Variants in MED12L observed in about 807,000 individuals in gnomAD.
MED12L encodes mediator complex subunit 12L, also known as mediator of RNA polymerase II transcription subunit 12-like protein.
MED12L carries 60 observed loss-of-function variants against 281.3 expected under a neutral mutation model. The observed-to-expected ratio is 0.21, with a 90% CI of 0.17 to 0.26. MED12L has a LOEUF of 0.26. Ranked by LOEUF, MED12L falls within the 10% of genes least tolerant of loss-of-function variation. The pLI, the probability that MED12L is intolerant of heterozygous loss-of-function variation, is 1.00. For synonymous variants in MED12L, 974 were observed against 987.2 expected (o/e 0.99, Z 0.25); for missense variants, 2,146 against 2,680.9 (o/e 0.80, Z 4.41).
At chr3:151,385,776 A>T (rs1315960771) in intron 36 of MED12L, among the ~76,000 whole-genome samples, 1 of 152,084 alleles carries the variant, frequency 6.6e-6, no homozygotes, top group Non-Finnish European at 1.5e-5. Context: ...AATTATTTTA[A>T]TTGTTAGGAT....
rs138653915 is a variant in MED12L, at chr3:151,411,771, T to C, written c.6140+264T>C. Among the ~76,000 whole-genome samples, 300 of 152,272 alleles carry C rather than the reference T, an allele frequency of 2.0e-3. 2 individuals carry two copies. Among genetic ancestry groups the C allele is most frequent in the African/African-American group, 6.8e-3 (284 of 41,548 alleles). ...GAGTGTAACAGTCTTTACGTGATAG[T>C]GTGTTTGCTTCAGTGTTCTTTTTTT... On this transcript the variant is annotated intron_variant, in intron 41 of 44. Coordinates refer to ENST00000687756, the MANE Select transcript of MED12L (RefSeq NM_001393769.1).
chr3:151,190,853 T>C lies in MED12L; in HGVS notation c.1890T>C (p.Thr630=), dbSNP rs1156808678. 33 of 1,614,086 alleles carry C rather than the reference T, an allele frequency of 2.0e-5. No individual in the cohort carries two copies. The highest frequency in any genetic ancestry group is 1.6e-4 in the Middle Eastern group (1 of 6,084). The change falls in exon 14 of 45, where the codon ACT becomes ACC. Residue 630 remains threonine (T), a synonymous_variant. Coordinates refer to ENST00000687756, the MANE Select transcript of MED12L (RefSeq NM_001393769.1). ...TLISRGDLSV[T]ASTRPRSPVG... ...TATCTCGAGGAGATTTGTCAGTCAC[T>C]GCCTCAACTCGGCCGCGGTCACCAG...
intron 3 of MED12L, among the ~76,000 whole-genome samples, chr3:151,118,868 G>A (rs767074899): frequency 6.6e-6 from 1 of 151,838 alleles, no homozygotes; most frequent in Non-Finnish European, 1.5e-5. Flanking sequence ...TTGTATTTTT[G>A]TAGAGACAGG....
chr3:151,334,027 A>C (rs926350084), intron 16 of MED12L, among the ~76,000 whole-genome samples: 1 of 152,056 alleles, frequency 6.6e-6, no homozygotes, highest in Non-Finnish European at 1.5e-5. Flanking sequence ...CAGTGAGCTG[A>C]CATCATGTCA....
At position 151,232,298 on chromosome 3, in the gene MED12L, C is replaced by G. The variant is rs111586115; in HGVS notation, c.2250+38632C>G. On this transcript the variant is annotated intron_variant, in intron 16 of 44. Coordinates refer to ENST00000687756, the MANE Select transcript of MED12L (RefSeq NM_001393769.1). Reference sequence around the variant, plus strand: ...TTTCCACAATGGTTGAACTCATTTACCCTCCCACCAATGTGTGGAAGTGTT... The same window carrying G: ...TTTCCACAATGGTTGAACTCATTTAGCCTCCCACCAATGTGTGGAAGTGTT... 6.8e-3 allele frequency among the ~76,000 whole-genome samples: 1,039 copies of G among 152,296 alleles called. 7 individuals are homozygous for G. Among genetic ancestry groups the G allele is most frequent in the South Asian group, 0.016 (76 of 4,828 alleles).
At position 151,159,827 on chromosome 3, in the gene MED12L, C is replaced by G. The variant is rs1218718647; in HGVS notation, c.838-5C>G. 1 of 1,609,046 alleles carries G rather than the reference C, an allele frequency of 6.2e-7. No individual in the cohort carries two copies. The highest frequency in any genetic ancestry group is 2.2e-5 in the East Asian group (1 of 44,788). ...ACTGAAGTCTGGTGTCCTTCTACTT[C>G]TCAGTATTCAGATGAGTTTGTTCAG... On this transcript the variant is annotated splice_polypyrimidine_tract_variant and splice_region_variant and intron_variant, in intron 7 of 44. Coordinates refer to ENST00000687756, the MANE Select transcript of MED12L (RefSeq NM_001393769.1).
At chr3:151,287,407 G>C (rs1046495909) in intron 16 of MED12L, among the ~76,000 whole-genome samples, 1 of 152,196 alleles carries the variant, frequency 6.6e-6, no homozygotes, top group Admixed American at 6.5e-5. Flanking sequence ...ATTTCTGGGG[G>C]TGGAGTGGCA....
chr3:151,279,929 C>T (rs1446398126), intron 16 of MED12L, among the ~76,000 whole-genome samples: 2 of 152,108 alleles, frequency 1.3e-5, no homozygotes, highest in Non-Finnish European at 2.9e-5. Context: ...TTGACTTCCC[C>T]GTGGGGTGTT....
At chr3:151,190,407 G>A (rs569703324) in intron 13 of MED12L, among the ~76,000 whole-genome samples, 1 of 152,058 alleles carries the variant, frequency 6.6e-6, no homozygotes, top group South Asian at 2.1e-4. Context: ...CCTGACCTCA[G>A]GGGATCTGTC....
chr3:151,409,965 A>G (rs1462088019), intron 40 of MED12L, among the ~76,000 whole-genome samples: 1 of 152,202 alleles, frequency 6.6e-6, no homozygotes, highest in African/African-American at 2.4e-5. Flanking sequence ...AAATAAATAA[A>G]TAAATAGAAA....
chr3:151,213,939 A>C, intron 16 of MED12L: 1 of 1,614,154 alleles, frequency 6.2e-7, no homozygotes, highest in Non-Finnish European at 8.5e-7. Context: ...AAGTCCAAAG[A>C]GGCTTTACAA....
At chr3:151,252,416 G>T (rs1055264752) in intron 16 of MED12L, among the ~76,000 whole-genome samples, 1 of 152,106 alleles carries the variant, frequency 6.6e-6, no homozygotes. Context: ...CATAAATACT[G>T]ATTTTTAATT....
intron 40 of MED12L, among the ~76,000 whole-genome samples, chr3:151,409,629 T>C (rs1029145031): frequency 6.6e-6 from 1 of 152,198 alleles, no homozygotes; most frequent in African/African-American, 2.4e-5. Flanking sequence ...ACTTCTTTTA[T>C]GTTATAATGT....
At chr3:151,204,475 T>C (rs1317680255) in intron 16 of MED12L, among the ~76,000 whole-genome samples, 5 of 152,172 alleles carry the variant, frequency 3.3e-5, no homozygotes, top group Admixed American at 2.0e-4. Context: ...GACCATAAAT[T>C]ATAAACTAGG....
intron 11 of MED12L, among the ~76,000 whole-genome samples, chr3:151,170,540 C>T (rs1235691556): frequency 6.6e-6 from 1 of 152,108 alleles, no homozygotes; most frequent in African/African-American, 2.4e-5. Flanking sequence ...TCCCAAAGTG[C>T]TAGAATTACA....
chr3:151,110,199 C>G (rs1711652855), intron 2 of MED12L, among the ~76,000 whole-genome samples: 1 of 152,176 alleles, frequency 6.6e-6, no homozygotes, highest in African/African-American at 2.4e-5. Flanking sequence ...AAAATTTGGA[C>G]TCTCCTCTTT....
chr3:151,289,958 G>T (rs1295584531), intron 16 of MED12L, among the ~76,000 whole-genome samples: 1 of 151,496 alleles, frequency 6.6e-6, no homozygotes, highest in Non-Finnish European at 1.5e-5. Flanking sequence ...TCGGATCACT[G>T]CAACCTCCGC....
intron 2 of MED12L, among the ~76,000 whole-genome samples, chr3:151,111,080 A>C (rs988151393): frequency 6.6e-6 from 1 of 152,264 alleles, no homozygotes. Flanking sequence ...TGGGACCAGC[A>C]GCTGTGCTTT....
At chr3:151,183,792 C>T (rs1398608978) in intron 11 of MED12L, among the ~76,000 whole-genome samples, 3 of 152,150 alleles carry the variant, frequency 2.0e-5, no homozygotes, top group Middle Eastern at 3.4e-3. Flanking sequence ...TCTTGTAGCA[C>T]ATTTTAGTGT....
Sources: allele counts gnomAD v4.1 joint callset (sites outside exome capture counted in the v4.1 genomes callset), GRCh38; gene constraint gnomAD v4.1.1; transcripts MANE v1.5; gene names NCBI Gene and HGNC (gene_info 2026-07-23, HGNC 2026-07-21).